The following FGFR1 variants were observed in gnomAD, a reference collection of about 807,000 sequenced individuals.
FGFR1 encodes fibroblast growth factor receptor 1, also known as FGFR1/PLAG1 fusion.
In FGFR1, 18 loss-of-function variants were observed where a neutral mutation model predicts 93.7. The observed-to-expected ratio is 0.19, with a 90% CI of 0.13 to 0.28. The LOEUF (loss-of-function observed/expected upper bound fraction) is 0.28, where lower values mean the gene tolerates loss of function less well. FGFR1 is among the 10% of genes least tolerant of loss of function. FGFR1 has a pLI of 1.00. For synonymous variants in FGFR1, 448 were observed against 429.3 expected (o/e 1.04, Z -0.54); for missense variants, 731 against 1,080.4 (o/e 0.68, Z 4.53).
At chr8:38,431,125 C>T (rs1273413253) in intron 2 of FGFR1, among the ~76,000 whole-genome samples, 7 of 152,192 alleles carry the variant, frequency 4.6e-5, no homozygotes, top group Non-Finnish European at 1.0e-4. Context: ...GAGCGACTGC[C>T]GCTCCCCGAT....
At chr8:38,428,187 T>C in intron 4 of FGFR1, 94 bp from the exon 5 acceptor site, 1 of 1,549,924 alleles carries the variant, frequency 6.5e-7, no homozygotes. Flanking sequence ...GGAGGTGTCT[T>C]GCCCATCTGC....
intron 12 of FGFR1, 28 bp from the exon 13 acceptor site, chr8:38,416,088 G>A (rs2150594084): frequency 2.5e-6 from 4 of 1,596,182 alleles, no homozygotes; most frequent in Non-Finnish European, 3.4e-6. Flanking sequence ...GAGGCCATGG[G>A]GCCAGCAGCA....
At position 38,413,475 on chromosome 8, in the gene FGFR1, G is replaced by A. The variant is rs756045157; in HGVS notation, c.*153C>T. 3.1e-5 allele frequency: 23 copies of A among 737,784 alleles called. No individual in the cohort carries two copies. The highest frequency in any genetic ancestry group is 4.7e-5 in the Non-Finnish European group (21 of 449,198). The allele number at this position is 737,784 out of a possible 1,614,324, so 45.7% of individuals were successfully genotyped here. ...GTGGAGGGAGAGGTGAGCTGAGTGG[G>A]GTGAAGGCAGGCCACACAGGAAGGC... On this transcript the variant is annotated 3_prime_UTR_variant, in exon 18 of 18. Transcript: ENST00000447712. This position sits in a 1 kb window ranked among gnomAD's most constrained non-coding sequence, Gnocchi z 4.2.
At chr8:38,466,794 T>C (rs1468229012) in intron 1 of FGFR1, 1 of 188,056 alleles carries the variant, frequency 5.3e-6, no homozygotes, top group Non-Finnish European at 1.1e-5. Context: ...CATCTGGAAA[T>C]TGGGGGTGGG....
intron 12 of FGFR1, among the ~76,000 whole-genome samples, chr8:38,417,070 A>G (rs559908297): frequency 9.2e-5 from 14 of 152,354 alleles, no homozygotes; most frequent in African/African-American, 3.4e-4. Flanking sequence ...CTCTTAGACC[A>G]TAATTACTCA....
rs1815063065 is a variant in FGFR1, at chr8:38,413,481, G to A, written c.*147C>T. The A allele has an allele frequency of 1.3e-6, 1 of 796,304 alleles. No homozygotes were observed. The highest frequency in any genetic ancestry group is 2.0e-6 in the Non-Finnish European group (1 of 499,974). 49.3% of individuals were successfully genotyped at this position (796,304 alleles called of 1,614,324 possible). On this transcript the variant is annotated 3_prime_UTR_variant, in exon 18 of 18. Transcript: ENST00000447712. The surrounding 1 kb of genome is among the most constrained non-coding windows in gnomAD (Gnocchi z 4.2). ...GGAGAGGTGAGCTGAGTGGGGTGAA[G>A]GCAGGCCACACAGGAAGGCCCCTGG...
chr8:38,450,681 C>T (rs571844125), intron 2 of FGFR1, among the ~76,000 whole-genome samples: 1 of 152,324 alleles, frequency 6.6e-6, no homozygotes, highest in Non-Finnish European at 1.5e-5. Context: ...GAAACCCTGA[C>T]AGAGTCTTTG....
chr8:38,427,330 A>G (rs912113944), intron 5 of FGFR1, among the ~76,000 whole-genome samples: 2 of 152,192 alleles, frequency 1.3e-5, no homozygotes, highest in Admixed American at 1.3e-4. Flanking sequence ...CCCAGGCTAG[A>G]GTGAAATGAC....
Position 38,468,182 on chromosome 8 carries a change from C to T in FGFR1, c.-290G>A. The T allele has an allele frequency of 4.4e-6, 1 of 228,680 alleles. No individual in the cohort carries two copies. The highest frequency in any genetic ancestry group is 8.7e-6 in the Non-Finnish European group (1 of 114,956). The allele number at this position is 228,680 out of a possible 1,614,324, so 14.2% of individuals were successfully genotyped here. A position where few individuals can be genotyped will look rare whatever the true frequency, so the allele number is the denominator to read the frequency against. On this transcript the variant is annotated 5_prime_UTR_variant, in exon 1 of 18. Coordinates refer to ENST00000447712, the MANE Select transcript of FGFR1 (RefSeq NM_023110.3). ...CCAGCCCGGGCGGGAACAATGGAGC[C>T]GGAGCTGGTGCCCCGGAGGCGGGGC...
intron 2 of FGFR1, among the ~76,000 whole-genome samples, chr8:38,436,779 TCAGGAA>T (rs1412452274): frequency 6.6e-6 from 1 of 151,980 alleles, no homozygotes; most frequent in Non-Finnish European, 1.5e-5. Context: ...GCTTTCAAGT[TCAGGAA>T]CACGATTAAT....
chr8:38,447,628 G>A (rs983952910), intron 2 of FGFR1, among the ~76,000 whole-genome samples: 2 of 152,012 alleles, frequency 1.3e-5, no homozygotes, highest in Admixed American at 6.6e-5. Flanking sequence ...ACTACAGGTG[G>A]CCGCCATCAT....
chr8:38,434,562 A>C (rs1824547924), intron 2 of FGFR1: 1 of 285,978 alleles, frequency 3.5e-6, no homozygotes, highest in South Asian at 4.7e-5. Flanking sequence ...AGTGATTCTC[A>C]AAGTCTTGGC....
chr8:38,458,712 C>T (rs763238153), intron 1 of FGFR1: 17 of 220,946 alleles, frequency 7.7e-5, no homozygotes, highest in African/African-American at 2.0e-4. Flanking sequence ...CTCAACTCCC[C>T]GACCTATGCA....
intron 2 of FGFR1, chr8:38,434,802 TG>T (rs1213851240): frequency 6.5e-6 from 1 of 154,034 alleles, no homozygotes; most frequent in Non-Finnish European, 1.4e-5. Context: ...GGAGCAGGAA[TG>T]GGCAGACTGC....
At chr8:38,439,017 G>T (rs1826413091) in intron 2 of FGFR1, among the ~76,000 whole-genome samples, 1 of 152,198 alleles carries the variant, frequency 6.6e-6, no homozygotes, top group African/African-American at 2.4e-5. Flanking sequence ...GAAAATGGGG[G>T]AGGTGTTCAT....
chr8:38,447,227 T>C (rs1421800906), intron 2 of FGFR1, among the ~76,000 whole-genome samples: 1 of 151,926 alleles, frequency 6.6e-6, no homozygotes, highest in South Asian at 2.1e-4. Context: ...CATTCAGAAG[T>C]TGGTCCACCT....
intron 2 of FGFR1, among the ~76,000 whole-genome samples, chr8:38,455,457 A>T (rs1439678748): frequency 6.6e-6 from 1 of 151,762 alleles, no homozygotes; most frequent in Admixed American, 6.6e-5. Flanking sequence ...CGCCCGGCTA[A>T]TTTTTTTGTA....
chr8:38,418,933 C>T lies in FGFR1; in HGVS notation c.1285-560G>A, dbSNP rs573269843. 9.2e-5 allele frequency among the ~76,000 whole-genome samples: 14 copies of T among 152,290 alleles called. No homozygotes were observed. The East Asian group carries it at 2.7e-3, about 29-fold the overall frequency. ...GGGACCTGGTAGGAGGTCATTGACT[C>T]ATGGGGGCAGGTCTTCCCTGTGCTG... On this transcript the variant is annotated intron_variant, in intron 9 of 17. Coordinates refer to ENST00000447712, the MANE Select transcript of FGFR1 (RefSeq NM_023110.3).
At chr8:38,436,028 G>A (rs1825282570) in intron 2 of FGFR1, among the ~76,000 whole-genome samples, 1 of 152,184 alleles carries the variant, frequency 6.6e-6, no homozygotes, top group South Asian at 2.1e-4. Context: ...CCTAGCCTGA[G>A]GCTGAAAAAG....
Sources: gnomAD v4.1 joint callset for allele counts (sites outside exome capture counted in the v4.1 genomes callset) on GRCh38, gnomAD v4.1.1 for gene constraint, Gnocchi (gnomAD v3.1) non-coding constraint, MANE v1.5 for transcripts, NCBI Gene and HGNC (gene_info 2026-07-23, HGNC 2026-07-21) for gene names.